Variants in TRPM7 observed in about 807,000 individuals in gnomAD.
TRPM7 encodes the protein LTRPC ion channel family member 7.
In TRPM7, 134 loss-of-function variants were observed where a neutral mutation model predicts 229.7. That is an observed-to-expected ratio of 0.58 (90% confidence interval 0.51 to 0.67). TRPM7 has a LOEUF of 0.67. TRPM7 is among the 30% of genes least tolerant of loss of function. The probability of loss-of-function intolerance (pLI) is 0.00; values close to 1 mark genes in which losing one functional copy is unlikely to be tolerated. For missense variants in TRPM7, 1,901 were observed against 2,210.0 expected (o/e 0.86, Z 2.80); for synonymous variants, 699 against 715.2 (o/e 0.98, Z 0.36).
chr15:50,641,763 G>A (rs973994731), intron 5 of TRPM7, among the ~76,000 whole-genome samples: 3 of 152,138 alleles, frequency 2.0e-5, no homozygotes, highest in Non-Finnish European at 2.9e-5. Context: ...ACTTTGGGAG[G>A]CCTAGGCGGG....
At chr15:50,583,028 C>A (rs1040379632) in intron 29 of TRPM7, 61 bp downstream of exon 29, 2 of 1,225,052 alleles carry the variant, frequency 1.6e-6, no homozygotes, top group Non-Finnish European at 2.2e-6. Flanking sequence ...CTTTGTAGAT[C>A]TTATCTAAAA....
chr15:50,584,775 C>A (rs2054605963), intron 28 of TRPM7, among the ~76,000 whole-genome samples: 1 of 152,062 alleles, frequency 6.6e-6, no homozygotes, highest in African/African-American at 2.4e-5. Context: ...GATGTTCAAT[C>A]CATATAAGCA....
At position 50,599,235 on chromosome 15, in the gene TRPM7, G is replaced by C. The variant is rs2059713372; in HGVS notation, c.3050C>G (p.Pro1017Arg). 1 of 1,612,826 alleles carries C rather than the reference G, an allele frequency of 6.2e-7. No homozygotes were observed. Among genetic ancestry groups the C allele is most frequent in the Admixed American group, 1.7e-5 (1 of 59,944 alleles). ...ATGAGGATAAAGTATTGCCTTTCTGGGAACACCAAAACTAAGTAATACAAG... is the reference window on the plus strand; with the variant it reads ...ATGAGGATAAAGTATTGCCTTTCTGCGAACACCAAAACTAAGTAATACAAG... The part of the protein sequence containing the change: ...MALVLLSFGV[P>R]RKAILYPHEA... The change falls in exon 22 of 39, where the codon CCC becomes CGC. Residue 1017 changes from proline to arginine, a missense_variant. Transcript: ENST00000646667.
At chr15:50,610,863 A>G (rs899060861) in intron 17 of TRPM7, among the ~76,000 whole-genome samples, 1 of 152,054 alleles carries the variant, frequency 6.6e-6, no homozygotes, top group Non-Finnish European at 1.5e-5. Context: ...TTCTAGCTCA[A>G]AGAGAGGCCA....
At chr15:50,595,254 A>T (rs565275295) in intron 23 of TRPM7, among the ~76,000 whole-genome samples, 1 of 151,766 alleles carries the variant, frequency 6.6e-6, no homozygotes, top group African/African-American at 2.4e-5. Flanking sequence ...AAAAAAAAAT[A>T]CTCAGTGTGG....
chr15:50,664,159 G>A (rs1194064274), intron 1 of TRPM7, among the ~76,000 whole-genome samples: 1 of 151,842 alleles, frequency 6.6e-6, no homozygotes, highest in South Asian at 2.1e-4. Context: ...TTAGCTGGGT[G>A]TGGTGGCGTG....
intron 1 of TRPM7, among the ~76,000 whole-genome samples, chr15:50,684,678 A>G (rs75334811): frequency 0.03 from 4,598 of 152,188 alleles, 249 homozygotes; most frequent in African/African-American, 0.11. Context: ...CAGAGGAGAA[A>G]GAAACATGTT....
chr15:50,573,650 TTTG>T (rs2053996509), intron 36 of TRPM7, among the ~76,000 whole-genome samples: 1 of 152,224 alleles, frequency 6.6e-6, no homozygotes. Context: ...AATAGAGGTA[TTTG>T]TTATTTTTAA....
intron 21 of TRPM7, chr15:50,604,566 G>A (rs1470643342): frequency 6.2e-6 from 1 of 161,014 alleles, no homozygotes; most frequent in African/African-American, 2.7e-5. Flanking sequence ...GCGAAACTCT[G>A]TCTCAAAAAG....
chr15:50,624,615 C>T (rs1229159433), intron 11 of TRPM7, among the ~76,000 whole-genome samples: 1 of 152,090 alleles, frequency 6.6e-6, no homozygotes, highest in African/African-American at 2.4e-5. Context: ...AAGCAATGCT[C>T]TCAGTGTTTA....
rs986997239 is a variant in TRPM7, at chr15:50,638,156, G to A, written c.661-563C>T. ...GGGCGGATCATGAGGTCAGGAGATC[G>A]AGACCATCCTGGCTAACACGGTGAA... On this transcript the variant is annotated intron_variant, in intron 6 of 38. Transcript: ENST00000646667. Among the ~76,000 whole-genome samples, 373 of 151,486 alleles carry A rather than the reference G, an allele frequency of 2.5e-3. 4 individuals are homozygous for A. Among genetic ancestry groups the A allele is most frequent in the Admixed American group, 0.018 (278 of 15,212 alleles).
chr15:50,588,076 A>C, intron 27 of TRPM7: 1 of 228,830 alleles, frequency 4.4e-6, no homozygotes, highest in Non-Finnish European at 7.1e-6. Context: ...AAAACACTGC[A>C]AATTATAGTC....
At chr15:50,666,568 C>G (rs1327711601) in intron 1 of TRPM7, among the ~76,000 whole-genome samples, 2 of 151,630 alleles carry the variant, frequency 1.3e-5, no homozygotes, top group Non-Finnish European at 2.9e-5. Flanking sequence ...CTTTGGGAGG[C>G]TGAGGCGGGC....
At chr15:50,642,519 T>C (rs1247091145) in intron 5 of TRPM7, among the ~76,000 whole-genome samples, 1 of 152,198 alleles carries the variant, frequency 6.6e-6, no homozygotes, top group Non-Finnish European at 1.5e-5. Context: ...GTTCTGGTGA[T>C]AGTGACTGAG....
At chr15:50,685,519 T>C (rs2062337743) in intron 1 of TRPM7, among the ~76,000 whole-genome samples, 1 of 152,226 alleles carries the variant, frequency 6.6e-6, no homozygotes, top group Non-Finnish European at 1.5e-5. Context: ...TTATTCAAAG[T>C]ATTACTACAT....
At chr15:50,654,521 G>A (rs1304151674) in intron 3 of TRPM7, among the ~76,000 whole-genome samples, 2 of 151,334 alleles carry the variant, frequency 1.3e-5, no homozygotes, top group Admixed American at 1.3e-4. Context: ...GACCCTAAAT[G>A]ATGCAAATGT....
At chr15:50,675,491 G>T (rs937634542) in intron 1 of TRPM7, among the ~76,000 whole-genome samples, 1 of 151,970 alleles carries the variant, frequency 6.6e-6, no homozygotes, top group Non-Finnish European at 1.5e-5. Flanking sequence ...ATCATTTACG[G>T]CCTTCACTTG....
chr15:50,601,254 A>G (rs915964674), intron 21 of TRPM7, among the ~76,000 whole-genome samples: 2 of 152,246 alleles, frequency 1.3e-5, no homozygotes, highest in African/African-American at 4.8e-5. Flanking sequence ...CTTTTCACAT[A>G]AAGCCTAAAT....
chr15:50,578,667 A>G lies in TRPM7; in HGVS notation c.4593-3T>C, dbSNP rs775155170. 18 of 1,606,430 alleles carry G rather than the reference A, an allele frequency of 1.1e-5. No individual in the cohort carries two copies. The highest frequency in any genetic ancestry group is 1.4e-5 in the Non-Finnish European group (16 of 1,175,512). The stretch of plus-strand genomic sequence containing the variant: ...TTAATGTTCCTTCTTCAGATGGCCT[A>G]AAGAAACACCAAAAAATATAGTATA... On this transcript the variant is annotated splice_polypyrimidine_tract_variant and splice_region_variant and intron_variant, in intron 30 of 38. Transcript: ENST00000646667.
Sources: gnomAD v4.1 joint callset for allele counts (sites outside exome capture counted in the v4.1 genomes callset) on GRCh38, gnomAD v4.1.1 for gene constraint, MANE v1.5 for transcripts, NCBI Gene and HGNC (gene_info 2026-07-23, HGNC 2026-07-21) for gene names.